LSAMP: variants seen among roughly 807,000 people sequenced by gnomAD.
LSAMP encodes the protein limbic system-associated membrane protein.
Under a neutral mutation model 38.6 loss-of-function variants are expected in LSAMP, and 7 were observed. That is an observed-to-expected ratio of 0.18 (90% CI 0.10 to 0.34). LSAMP has a LOEUF of 0.34. Ranked by LOEUF, LSAMP falls within the 10% of genes least tolerant of loss-of-function variation. LSAMP has a pLI of 1.00. For missense variants in LSAMP, 313 were observed against 420.0 expected (o/e 0.75, Z 2.23); for synonymous variants, 154 against 166.8 (o/e 0.92, Z 0.59).
chr3:116,085,937 C>A (rs1189801480), intron 2 of LSAMP, among the ~76,000 whole-genome samples: 1 of 152,166 alleles, frequency 6.6e-6, no homozygotes, highest in Non-Finnish European at 1.5e-5. Flanking sequence ...GACAGATAAA[C>A]CCAAACTTTC....
intron 1 of LSAMP, among the ~76,000 whole-genome samples, chr3:116,353,341 G>T (rs1399384113): frequency 6.6e-6 from 1 of 152,022 alleles, no homozygotes; most frequent in Non-Finnish European, 1.5e-5. Flanking sequence ...GGCTAGTTCT[G>T]CACAAGAGTT....
chr3:116,293,761 C>T (rs1489082564), intron 1 of LSAMP, among the ~76,000 whole-genome samples: 1 of 152,014 alleles, frequency 6.6e-6, no homozygotes, highest in Non-Finnish European at 1.5e-5. Context: ...AGAACTGAAA[C>T]TGTTAAAAGT....
intron 1 of LSAMP, among the ~76,000 whole-genome samples, chr3:116,366,204 A>G (rs577084683): frequency 6.6e-6 from 1 of 152,170 alleles, no homozygotes; most frequent in South Asian, 2.1e-4. Context: ...AAAAGTGGGC[A>G]AATAACATAA....
intron 2 of LSAMP, among the ~76,000 whole-genome samples, chr3:116,070,857 A>C (rs1409654019): frequency 6.6e-6 from 1 of 152,084 alleles, no homozygotes; most frequent in African/African-American, 2.4e-5. Context: ...CTTGACCAAC[A>C]TGGAGAAACC....
intron 3 of LSAMP, among the ~76,000 whole-genome samples, chr3:115,988,853 T>C (rs1939586588): frequency 6.6e-6 from 1 of 152,146 alleles, no homozygotes; most frequent in South Asian, 2.1e-4. Flanking sequence ...CAACATTATC[T>C]ATTTTGTTCT....
chr3:116,326,656 C>T lies in LSAMP; in HGVS notation c.155+118221G>A, dbSNP rs151117233. Among the ~76,000 whole-genome samples the T allele has an allele frequency of 6.2e-3, 946 of 152,252 alleles. 8 individuals carry two copies. The highest frequency in any genetic ancestry group is 0.021 in the African/African-American group (892 of 41,540). On this transcript the variant is annotated intron_variant, in intron 1 of 6. Coordinates refer to ENST00000490035, the MANE Select transcript of LSAMP (RefSeq NM_002338.5). ...CCATGTGACTTTCCACAGTTGATAC[C>T]ATTTTTCTCAATTTCTTCATCTGTA...
chr3:115,925,056 T>A (rs1937467601), intron 3 of LSAMP, among the ~76,000 whole-genome samples: 1 of 152,200 alleles, frequency 6.6e-6, no homozygotes, highest in Non-Finnish European at 1.5e-5. Flanking sequence ...GGGCTCATAG[T>A]CTGCTCCTTG....
intron 1 of LSAMP, among the ~76,000 whole-genome samples, chr3:116,201,925 T>C (rs2045992349): frequency 6.6e-6 from 1 of 152,298 alleles, no homozygotes; most frequent in South Asian, 2.1e-4. Flanking sequence ...TCCATTCTAT[T>C]ACTCAGAAAA....
intron 3 of LSAMP, among the ~76,000 whole-genome samples, chr3:115,893,118 A>G (rs1247222083): frequency 1.3e-5 from 2 of 151,916 alleles, no homozygotes; most frequent in Non-Finnish European, 2.9e-5. Context: ...GGACACAGGG[A>G]GGGGAATATC....
intron 1 of LSAMP, among the ~76,000 whole-genome samples, chr3:116,210,174 G>A (rs2046136789): frequency 6.6e-6 from 1 of 152,166 alleles, no homozygotes; most frequent in Admixed American, 6.5e-5. Flanking sequence ...TGATAATGAT[G>A]ATGATTTTGA....
intron 3 of LSAMP, among the ~76,000 whole-genome samples, chr3:115,857,196 T>C (rs1935534197): frequency 6.6e-6 from 1 of 152,230 alleles, no homozygotes; most frequent in Non-Finnish European, 1.5e-5. Context: ...GTGCCGTTTC[T>C]TGTTTTAAGG....
intron 1 of LSAMP, among the ~76,000 whole-genome samples, chr3:116,216,240 T>G (rs936543744): frequency 1.3e-5 from 2 of 152,104 alleles, no homozygotes; most frequent in Non-Finnish European, 2.9e-5. Context: ...TTCCTCAAGG[T>G]TTTTCACTTG....
chr3:116,213,245 T>A (rs951554399), intron 1 of LSAMP, among the ~76,000 whole-genome samples: 1 of 152,242 alleles, frequency 6.6e-6, no homozygotes, highest in African/African-American at 2.4e-5. Flanking sequence ...AATGCCCATA[T>A]GTTGTAGGAG....
rs527419064 is a variant in LSAMP, at chr3:116,318,199, G to C, written c.155+126678C>G. On this transcript the variant is annotated intron_variant, in intron 1 of 6. Coordinates refer to ENST00000490035, the MANE Select transcript of LSAMP (RefSeq NM_002338.5). ...CACTCTTATCTCTGATCATGGCAAA[G>C]TGTGTCATGTCTTTTAAGTTCCTTA... Among the ~76,000 whole-genome samples the C allele has an allele frequency of 4.1e-3, 626 of 151,394 alleles. 7 individuals carry two copies. The highest frequency in any genetic ancestry group is 0.015 in the African/African-American group (598 of 41,170).
At position 115,810,171 on chromosome 3, in the gene LSAMP, T is replaced by A. The variant is rs1227793826; in HGVS notation, c.*146A>T. ...GTATTTTCTTCTTCACTTTCTTATTTCCCCCTTCATGTATAAACACACAAA... is the reference window on the plus strand; with the variant it reads ...GTATTTTCTTCTTCACTTTCTTATTACCCCCTTCATGTATAAACACACAAA... On this transcript the variant is annotated 3_prime_UTR_variant, in exon 7 of 7. Coordinates refer to ENST00000490035, the MANE Select transcript of LSAMP (RefSeq NM_002338.5). The A allele has an allele frequency of 3.2e-5, 19 of 597,660 alleles. No homozygotes were observed. The East Asian group carries it at 5.4e-4, about 17-fold the overall frequency. The allele number at this position is 597,660 out of a possible 1,614,324, so 37.0% of individuals were successfully genotyped here.
chr3:116,152,133 CATT>C (rs922565608), intron 1 of LSAMP, among the ~76,000 whole-genome samples: 2 of 151,974 alleles, frequency 1.3e-5, no homozygotes, highest in African/African-American at 4.8e-5. Context: ...TTGAGGCATA[CATT>C]ATTATTTTAG....
intron 1 of LSAMP, among the ~76,000 whole-genome samples, chr3:116,292,286 G>A (rs552435995): frequency 7.2e-5 from 11 of 152,166 alleles, no homozygotes; most frequent in Admixed American, 2.6e-4. Flanking sequence ...GTCTCACTAC[G>A]CAAAAGCAGC....
At chr3:116,188,847 G>A (rs1039399933) in intron 1 of LSAMP, among the ~76,000 whole-genome samples, 1 of 152,182 alleles carries the variant, frequency 6.6e-6, no homozygotes, top group Admixed American at 6.5e-5. Context: ...ACGATAGAAA[G>A]ATGAATGAGG....
chr3:115,850,303 G>A (rs1459970701), intron 4 of LSAMP, among the ~76,000 whole-genome samples: 3 of 152,176 alleles, frequency 2.0e-5, no homozygotes, highest in Non-Finnish European at 2.9e-5. Context: ...AGACCACTTT[G>A]ATGTTTCACA....
Sources: gnomAD v4.1 joint callset for allele counts (sites outside exome capture counted in the v4.1 genomes callset) on GRCh38, gnomAD v4.1.1 for gene constraint, MANE v1.5 for transcripts, NCBI Gene and HGNC (gene_info 2026-07-23, HGNC 2026-07-21) for gene names.